The following ARHGAP44 variants were observed in gnomAD, a reference collection of about 807,000 sequenced individuals.
ARHGAP44 encodes rho GTPase-activating protein 44.
In ARHGAP44, 43 loss-of-function variants were observed where a neutral mutation model predicts 106.8. The ratio of observed to expected loss-of-function variants is 0.40; its 90% CI spans 0.32 to 0.52. ARHGAP44 has a LOEUF of 0.52. ARHGAP44 is among the 20% of genes least tolerant of loss of function. The pLI is 0.48. For missense variants in ARHGAP44, 866 were observed against 1,050.5 expected, an observed-to-expected ratio of 0.82 and a Z score of 2.43; for synonymous variants, 439 against 410.3, an observed-to-expected ratio of 1.07 and a Z score of -0.85.
At chr17:12,824,219 T>C (rs187198039) in intron 1 of ARHGAP44, among the ~76,000 whole-genome samples, 13 of 152,248 alleles carry the variant, frequency 8.5e-5, no homozygotes, top group South Asian at 2.1e-4. Context: ...TCCTGAGCCT[T>C]CTTTGAGCTG....
intron 7 of ARHGAP44, among the ~76,000 whole-genome samples, chr17:12,939,842 C>G (rs1291707147): frequency 6.6e-6 from 1 of 152,230 alleles, no homozygotes; most frequent in Non-Finnish European, 1.5e-5. Flanking sequence ...ATCTGTACTT[C>G]AAGCTCTCTG....
chr17:12,918,234 C>T (rs2037973813), intron 5 of ARHGAP44, among the ~76,000 whole-genome samples: 1 of 152,344 alleles, frequency 6.6e-6, no homozygotes, highest in South Asian at 2.1e-4. Context: ...GGTGGTGACT[C>T]AGGTTGCCTG....
At chr17:12,830,223 C>T (rs573201742) in intron 1 of ARHGAP44, among the ~76,000 whole-genome samples, 1 of 152,126 alleles carries the variant, frequency 6.6e-6, no homozygotes, top group Non-Finnish European at 1.5e-5. Context: ...TTATCTTAAG[C>T]CAAAGAACTC....
chr17:12,958,545 T>TC lies in ARHGAP44; in HGVS notation c.1343-167dup, dbSNP rs2039183342. Among the ~76,000 whole-genome samples, 1 of 152,066 alleles carries TC rather than the reference T, an allele frequency of 6.6e-6. No individual in the cohort carries two copies. The highest frequency in any genetic ancestry group is 6.6e-5 in the Admixed American group (1 of 15,254). On this transcript the variant is annotated intron_variant, in intron 15 of 20. Coordinates refer to ENST00000379672, the MANE Select transcript of ARHGAP44 (RefSeq NM_014859.6). This position sits in a 1 kb window ranked among gnomAD's most constrained non-coding sequence, Gnocchi z 4.1. ...ATGCCTATATAGGTGATCACATGTG[T>TC]CCCCCTTTTTGGCCTGTTAATGTGA...
chr17:12,916,053 G>T (rs1191051231), intron 5 of ARHGAP44, 42 bp downstream of exon 5: 6 of 1,491,232 alleles, frequency 4.0e-6, no homozygotes, highest in East Asian at 2.3e-5. Flanking sequence ...GAGCAAGGAG[G>T]TACCGAACAG....
At chr17:12,864,559 C>T (rs1223498362) in intron 1 of ARHGAP44, among the ~76,000 whole-genome samples, 1 of 152,108 alleles carries the variant, frequency 6.6e-6, no homozygotes, top group African/African-American at 2.4e-5. Context: ...GTTGTTCTAC[C>T]ACTCAACACA....
intron 1 of ARHGAP44, among the ~76,000 whole-genome samples, chr17:12,801,729 T>TA (rs1017277532): frequency 2.6e-5 from 4 of 152,162 alleles, no homozygotes; most frequent in African/African-American, 9.7e-5. Flanking sequence ...TACAGTATTT[T>TA]AAAAAATGCA....
In ARHGAP44 at chr17:12,991,520, AG is replaced by A. The variant is rs2040149587; in HGVS notation, c.*1351del. The A allele has an allele frequency of 4.6e-5, 8 of 175,054 alleles. No homozygotes were observed. The South Asian group carries it at 1.2e-3, about 26-fold the overall frequency. 10.8% of individuals were successfully genotyped at this position (175,054 alleles called of 1,614,324 possible). ...GCTTTGCTCACTTCCTGGCAAGGGCAGGTCATGCCTCAATTTGTAATGGGAG... is the reference window on the plus strand; with the variant it reads ...GCTTTGCTCACTTCCTGGCAAGGGCAGTCATGCCTCAATTTGTAATGGGAG... On this transcript the variant is annotated 3_prime_UTR_variant, in exon 21 of 21. Transcript: ENST00000379672.
At chr17:12,873,911 A>G (rs953232381) in intron 1 of ARHGAP44, among the ~76,000 whole-genome samples, 54 of 14,692 alleles carry the variant, frequency 3.7e-3, no homozygotes, top group Admixed American at 9.1e-3. Flanking sequence ...CTCAAAAAAT[A>G]AATAAATAAA....
intron 1 of ARHGAP44, among the ~76,000 whole-genome samples, chr17:12,804,301 G>T (rs1376377738): frequency 6.6e-6 from 1 of 152,214 alleles, no homozygotes; most frequent in East Asian, 1.9e-4. Context: ...AACACATGCT[G>T]GAGGGAGGGG....
At chr17:12,946,149 A>T (rs66478366) in intron 10 of ARHGAP44, among the ~76,000 whole-genome samples, 23,449 of 152,040 alleles carry the variant, frequency 0.15, 2,350 homozygotes, top group Non-Finnish European at 0.22. Context: ...TGAAATTTTT[A>T]AAAAAATTAT....
chr17:12,976,071 A>G (rs1344077258), intron 18 of ARHGAP44, among the ~76,000 whole-genome samples: 11 of 152,260 alleles, frequency 7.2e-5, no homozygotes, highest in South Asian at 4.1e-4. Context: ...GCAATATGAA[A>G]TCACATGCCA....
chr17:12,977,765 C>T (rs944460624), intron 18 of ARHGAP44, among the ~76,000 whole-genome samples: 6 of 152,090 alleles, frequency 3.9e-5, no homozygotes, highest in South Asian at 4.1e-4. Context: ...CCGGGCCGGG[C>T]GTGGTAGCTC....
At chr17:12,894,458 G>A (rs552646283) in intron 1 of ARHGAP44, among the ~76,000 whole-genome samples, 5 of 152,152 alleles carry the variant, frequency 3.3e-5, no homozygotes, top group Non-Finnish European at 5.9e-5. Context: ...AGAAGTTTCA[G>A]GTTCAAGCCC....
chr17:12,914,362 C>T (rs577811453), intron 4 of ARHGAP44, among the ~76,000 whole-genome samples: 1 of 152,340 alleles, frequency 6.6e-6, no homozygotes, highest in East Asian at 1.9e-4. Flanking sequence ...ACTGCACAAG[C>T]ATATTTACTG....
intron 1 of ARHGAP44, among the ~76,000 whole-genome samples, chr17:12,882,011 A>G (rs2150900476): frequency 6.6e-6 from 1 of 152,150 alleles, no homozygotes; most frequent in Non-Finnish European, 1.5e-5. Flanking sequence ...TTCCATATAA[A>G]TTTTAGATTC....
chr17:12,971,283 G>A (rs2143307951), intron 16 of ARHGAP44, among the ~76,000 whole-genome samples: 1 of 152,288 alleles, frequency 6.6e-6, no homozygotes, highest in African/African-American at 2.4e-5. Context: ...TGAGATTCCT[G>A]ATGCTAGAAG....
At chr17:12,849,213 G>A (rs1465364752) in intron 1 of ARHGAP44, among the ~76,000 whole-genome samples, 1 of 134,368 alleles carries the variant, frequency 7.4e-6, no homozygotes, top group African/African-American at 3.3e-5. Context: ...ACTGAGGTGG[G>A]CGTGTGTGTG....
intron 1 of ARHGAP44, among the ~76,000 whole-genome samples, chr17:12,817,158 T>G (rs1170315689): frequency 1.3e-5 from 2 of 152,006 alleles, no homozygotes; most frequent in Admixed American, 1.3e-4. Flanking sequence ...GTTAAGTAAA[T>G]AATCCATAGG....
Sources: gnomAD v4.1 joint callset for allele counts (sites outside exome capture counted in the v4.1 genomes callset) on GRCh38, gnomAD v4.1.1 for gene constraint, Gnocchi (gnomAD v3.1) non-coding constraint, MANE v1.5 for transcripts, NCBI Gene and HGNC (gene_info 2026-07-23, HGNC 2026-07-21) for gene names.